The following SYNE2 variants were observed in gnomAD, a reference collection of about 807,000 sequenced individuals.
The protein encoded by SYNE2 is spectrin repeat containing nuclear envelope protein 2, also known as nesprin-2.
In SYNE2, 431 loss-of-function variants were observed where a neutral mutation model predicts 856.3. The observed-to-expected ratio is 0.50, with a 90% CI of 0.47 to 0.55. SYNE2 has a LOEUF of 0.55. Ranked by LOEUF, SYNE2 falls within the 20% of genes least tolerant of loss-of-function variation. The pLI, the probability that SYNE2 is intolerant of heterozygous loss-of-function variation, is 0.00. For missense variants in SYNE2, 8,129 were observed against 8,023.2 expected, an observed-to-expected ratio of 1.01 and a Z score of -0.50; for synonymous variants, 2,923 against 2,872.3, an observed-to-expected ratio of 1.02 and a Z score of -0.56.
rs573082196 is a variant in SYNE2, at chr14:63,763,191, CT to C, written c.-305+1206del. Among the ~76,000 whole-genome samples the C allele has an allele frequency of 7.6e-3, 1,164 of 152,208 alleles. 12 individuals carry two copies. The highest frequency in any genetic ancestry group is 0.012 in the Non-Finnish European group (786 of 68,000). On this transcript the variant is annotated intron_variant, in intron 1 of 23. Transcript: ENST00000674003. Reference sequence around the variant, plus strand: ...CCATATTGGTCAGGCTGGTCTCAAACTCCTGACCTCAGGTGATCCGCCTGCC... The same window carrying C: ...CCATATTGGTCAGGCTGGTCTCAAACCCTGACCTCAGGTGATCCGCCTGCC...
intron 44 of SYNE2, 93 bp downstream of exon 44, chr14:64,030,152 C>T: frequency 7.9e-7 from 1 of 1,264,952 alleles, no homozygotes; most frequent in East Asian, 2.5e-5. Context: ...TCAGAAATTC[C>T]AGTGGTATTC....
At chr14:64,201,629 C>T (rs896324630) in intron 99 of SYNE2, among the ~76,000 whole-genome samples, 16 of 152,096 alleles carry the variant, frequency 1.1e-4, no homozygotes, top group Non-Finnish European at 1.2e-4. Context: ...CTAGAACTTA[C>T]TTACACTTTG....
intron 11 of SYNE2, among the ~76,000 whole-genome samples, chr14:63,974,141 G>A (rs1004726422): frequency 1.3e-5 from 2 of 152,162 alleles, no homozygotes; most frequent in African/African-American, 2.4e-5. Flanking sequence ...GTAACAGAAA[G>A]ATAAAATACA....
At chr14:63,845,103 A>G (rs1890185076) in intron 1 of SYNE2, among the ~76,000 whole-genome samples, 1 of 152,100 alleles carries the variant, frequency 6.6e-6, no homozygotes, top group Non-Finnish European at 1.5e-5. Flanking sequence ...GCATATTGCA[A>G]GTTCCATTAA....
chr14:64,214,302 TCTC>T lies in SYNE2; in HGVS notation c.19169_19171del (p.Pro6390del), dbSNP rs987830174. On this transcript the variant is annotated inframe_deletion, in exon 106 of 116. Coordinates refer to ENST00000555002, the MANE Select transcript of SYNE2 (RefSeq NM_182914.3). ...ACGGGGAGAGAGCGAGGAACCGTCA[TCTC>T]CTCAGTCCCTGTGTCATCTAGTGGC... is the stretch of plus-strand genomic sequence containing the variant. 1.9e-6 allele frequency: 3 copies of T among 1,613,788 alleles called. No individual in the cohort carries two copies. The African/African-American group carries it at 4.0e-5, about 22-fold the overall frequency.
At chr14:63,830,546 A>T (rs1889630274) in intron 1 of SYNE2, among the ~76,000 whole-genome samples, 1 of 151,800 alleles carries the variant, frequency 6.6e-6, no homozygotes, top group Admixed American at 6.6e-5. Flanking sequence ...CTATGGTCCC[A>T]GCTACTCGTG....
rs1219680154 is a variant in SYNE2 at position 64,034,189 on chromosome 14, G to A, written c.7221+2832G>A. Among the ~76,000 whole-genome samples, 4 of 152,106 alleles carry A rather than the reference G, an allele frequency of 2.6e-5. No homozygotes were observed. The South Asian group carries it at 6.2e-4, about 24-fold the overall frequency. On this transcript the variant is annotated intron_variant, in intron 45 of 115. Coordinates refer to ENST00000555002, the MANE Select transcript of SYNE2 (RefSeq NM_182914.3). Reference sequence around the variant, plus strand: ...ATAATGAATACGTAGGACACATAAAGGCACAGTTTACTGAATTATAAATTT... The same window carrying A: ...ATAATGAATACGTAGGACACATAAAAGCACAGTTTACTGAATTATAAATTT...
intron 1 of SYNE2, among the ~76,000 whole-genome samples, chr14:63,844,400 A>G (rs1365671502): frequency 6.6e-6 from 1 of 152,208 alleles, no homozygotes; most frequent in East Asian, 1.9e-4. Context: ...GTTTAACACA[A>G]TTTATTTATC....
intron 109 of SYNE2, 68 bp from the exon 110 acceptor site, chr14:64,219,140 T>G: frequency 1.2e-6 from 1 of 809,830 alleles, no homozygotes; most frequent in Non-Finnish European, 2.0e-6. Flanking sequence ...CCCTGACCCC[T>G]AATTAGCTGG....
At chr14:64,209,799 A>G (rs1235461253) in intron 102 of SYNE2, 143 bp from the exon 103 acceptor site, 6 of 1,222,160 alleles carry the variant, frequency 4.9e-6, no homozygotes, top group South Asian at 1.3e-5. Context: ...TGTAGCTGGC[A>G]TCAGGACTGG....
At chr14:63,947,881 A>G (rs1013724669) in intron 6 of SYNE2, among the ~76,000 whole-genome samples, 1 of 152,126 alleles carries the variant, frequency 6.6e-6, no homozygotes, top group South Asian at 2.1e-4. Context: ...ACTGTGCTGT[A>G]GTGTCACCTT....
chr14:64,207,953 C>T (rs185373782), intron 100 of SYNE2: 118 of 455,240 alleles, frequency 2.6e-4, no homozygotes, highest in African/African-American at 1.3e-3. Flanking sequence ...TCTCCCTCCC[C>T]GCAGCCCACC....
chr14:63,905,758 C>G (rs2095401502), intron 1 of SYNE2, among the ~76,000 whole-genome samples: 1 of 152,172 alleles, frequency 6.6e-6, no homozygotes, highest in East Asian at 1.9e-4. Flanking sequence ...GATTGTTTGA[C>G]CTCTTCTTTT....
chr14:63,995,945 A>G (rs1443692193), intron 23 of SYNE2, among the ~76,000 whole-genome samples: 1 of 151,988 alleles, frequency 6.6e-6, no homozygotes, highest in Non-Finnish European at 1.5e-5. Context: ...AGGCGATTTT[A>G]TGCACTCTGG....
At chr14:64,062,203 A>G (rs1440883742) in intron 49 of SYNE2, among the ~76,000 whole-genome samples, 1 of 152,212 alleles carries the variant, frequency 6.6e-6, no homozygotes, top group African/African-American at 2.4e-5. Context: ...TTACTCTATA[A>G]TATTGTATAC....
At chr14:63,969,210 C>T (rs2096440630) in intron 11 of SYNE2, among the ~76,000 whole-genome samples, 1 of 149,448 alleles carries the variant, frequency 6.7e-6, no homozygotes, top group South Asian at 2.1e-4. Context: ...TGCTCCGTTG[C>T]CCAGGCTAGA....
intron 91 of SYNE2, 49 bp from the exon 92 acceptor site, chr14:64,167,446 C>G (rs765035371): frequency 1.9e-6 from 3 of 1,614,062 alleles, no homozygotes; most frequent in Non-Finnish European, 2.5e-6. Flanking sequence ...GGCTTCAGCT[C>G]GGGAATGGCA....
chr14:63,964,033 T>C (rs1205936518), intron 10 of SYNE2, 33 bp downstream of exon 10: 1 of 1,334,126 alleles, frequency 7.5e-7, no homozygotes, highest in African/African-American at 1.5e-5. Context: ...GTTTGTAATT[T>C]ACCTTTTAAG....
chr14:64,190,213 A>G lies in SYNE2; in HGVS notation c.18014A>G (p.His6005Arg). Residue 6005 changes from histidine to arginine, a missense_variant, in exon 99 of 116, where the codon CAT becomes CGT. Physicochemically the swap from His to Arg is conservative, Grantham distance 29. Transcript: ENST00000555002. Reference sequence around the variant, plus strand: ...AACAAAATTAACGATCGTTGGCAACATCTTTTTGATGTCATCGGATCAAGG... The same window carrying G: ...AACAAAATTAACGATCGTTGGCAACGTCTTTTTGATGTCATCGGATCAAGG... ...KLNKINDRWQ[H>R]LFDVIGSRVK... The G allele has an allele frequency of 1.9e-6, 3 of 1,614,164 alleles. No homozygotes were observed. The highest frequency in any genetic ancestry group is 1.7e-6 in the Non-Finnish European group (2 of 1,180,036).
Sources: gnomAD v4.1 joint callset for allele counts (sites outside exome capture counted in the v4.1 genomes callset) on GRCh38, gnomAD v4.1.1 for gene constraint, MANE v1.5 for transcripts, NCBI Gene and HGNC (gene_info 2026-07-23, HGNC 2026-07-21) for gene names.